CELF2: variants seen among roughly 807,000 people sequenced by gnomAD.
The protein encoded by CELF2 is CUGBP Elav-like family member 2.
In CELF2, 8 loss-of-function variants were observed where a neutral mutation model predicts 62.6. The observed-to-expected ratio is 0.13, with a 90% CI of 0.07 to 0.23. The LOEUF is 0.23. Among genes scored for constraint, CELF2 ranks in the 10% least tolerant of loss-of-function variants. The pLI, the probability that CELF2 is intolerant of heterozygous loss-of-function variation, is 1.00. For missense variants in CELF2, 333 were observed against 671.0 expected (o/e 0.50, Z 5.56); for synonymous variants, 258 against 250.0 (o/e 1.03, Z -0.30).
intron 1 of CELF2, among the ~76,000 whole-genome samples, chr10:11,129,921 A>G (rs938766758): frequency 2.0e-5 from 3 of 151,884 alleles, no homozygotes; most frequent in Non-Finnish European, 4.4e-5. Context: ...CCAGCTTTTA[A>G]ATTTGTTTGC....
At chr10:10,551,949 GC>G in the CELF2 span, among the ~76,000 whole-genome samples, 2 of 147,070 alleles carry the variant, frequency 1.4e-5, no homozygotes, top group Non-Finnish European at 3.0e-5. Context: ...TTTTCAGGGT[GC>G]TTTTTTTTCT....
the CELF2 span, among the ~76,000 whole-genome samples, chr10:10,574,303 A>T: frequency 6.6e-6 from 1 of 152,246 alleles, no homozygotes; most frequent in Non-Finnish European, 1.5e-5. Context: ...GGACCAACTG[A>T]TGACAAAGTA....
chr10:10,683,828 C>A, the CELF2 span, among the ~76,000 whole-genome samples: 1 of 152,118 alleles, frequency 6.6e-6, no homozygotes, highest in African/African-American at 2.4e-5. Context: ...TGACAAAAAG[C>A]AATTTAGATT....
chr10:11,198,866 A>G (rs1449673447), intron 2 of CELF2, among the ~76,000 whole-genome samples: 4 of 152,246 alleles, frequency 2.6e-5, no homozygotes, highest in African/African-American at 9.6e-5. Context: ...GTTTTGAGGA[A>G]AACCCAAGAC....
the CELF2 span, among the ~76,000 whole-genome samples, chr10:10,632,314 A>G: frequency 2.0e-5 from 3 of 152,288 alleles, no homozygotes; most frequent in East Asian, 1.9e-4. Flanking sequence ...CACCTCATAC[A>G]TAATCACTTG....
intron 2 of CELF2, among the ~76,000 whole-genome samples, chr10:11,212,299 T>G (rs2062045727): frequency 6.6e-6 from 1 of 152,200 alleles, no homozygotes; most frequent in East Asian, 1.9e-4. Context: ...AGGATCTTCT[T>G]GCTGCTTCAT....
chr10:11,229,742 A>G (rs924786312), intron 3 of CELF2, among the ~76,000 whole-genome samples: 9 of 152,082 alleles, frequency 5.9e-5, no homozygotes, highest in African/African-American at 9.7e-5. Context: ...GGCATGTGCC[A>G]CCACATCCAG....
rs568608240 is a variant in CELF2, at chr10:11,115,512, C to G, written c.75-49974C>G. On this transcript the variant is annotated intron_variant, in intron 1 of 12. Coordinates refer to ENST00000633077, the MANE Select transcript of CELF2 (RefSeq NM_001326342.2). ...TTATCCATATCTGCTGAAGGGCTGT[C>G]AGATATGAAGTAAATTTAGAGACCT... is the stretch of plus-strand genomic sequence containing the variant. 2.0e-5 allele frequency among the ~76,000 whole-genome samples: 3 copies of G among 152,274 alleles called. No homozygotes were observed. The South Asian group carries it at 6.2e-4, about 32-fold the overall frequency.
chr10:11,068,185 C>T (rs907384357), intron 1 of CELF2, among the ~76,000 whole-genome samples: 10 of 152,204 alleles, frequency 6.6e-5, no homozygotes, highest in Admixed American at 1.3e-4. Context: ...ACAGTCTCTA[C>T]GCTTATTTAA....
At chr10:10,704,058 T>C in the CELF2 span, among the ~76,000 whole-genome samples, 2 of 152,234 alleles carry the variant, frequency 1.3e-5, no homozygotes, top group African/African-American at 4.8e-5. Flanking sequence ...TCTATCACTC[T>C]CACTTCAGTA....
At chr10:10,717,482 A>G in the CELF2 span, among the ~76,000 whole-genome samples, 1 of 152,216 alleles carries the variant, frequency 6.6e-6, no homozygotes, top group East Asian at 1.9e-4. Flanking sequence ...TCATGAAAGA[A>G]AATTTCAGCC....
At position 11,158,866 on chromosome 10, in the gene CELF2, G is replaced by A. The variant is rs534828931; in HGVS notation, c.75-6620G>A. 2.0e-4 allele frequency among the ~76,000 whole-genome samples: 30 copies of A among 152,186 alleles called. No homozygotes were observed. In the South Asian group the frequency reaches 6.2e-3, roughly 32 times the overall value. On this transcript the variant is annotated intron_variant, in intron 1 of 12. Coordinates refer to ENST00000633077, the MANE Select transcript of CELF2 (RefSeq NM_001326342.2). Reference sequence around the variant, plus strand: ...AACACAAATGTGTTATTTCTTAGTTGTTTGTGAATAACAATGATGTCCTGT... The same window carrying A: ...AACACAAATGTGTTATTTCTTAGTTATTTGTGAATAACAATGATGTCCTGT...
chr10:11,185,720 A>G (rs980996977), intron 2 of CELF2, among the ~76,000 whole-genome samples: 7 of 152,174 alleles, frequency 4.6e-5, no homozygotes, highest in Non-Finnish European at 1.5e-5. Flanking sequence ...GGCTGGTCAT[A>G]ATGATTTTAT....
intron 1 of CELF2, among the ~76,000 whole-genome samples, chr10:11,024,455 G>GT (rs775567197): frequency 2.6e-5 from 4 of 152,062 alleles, no homozygotes; most frequent in Admixed American, 6.5e-5. Context: ...ACAAAAATTA[G>GT]TTCGCCGTGG....
the CELF2 span, among the ~76,000 whole-genome samples, chr10:10,589,622 C>T: frequency 9.9e-5 from 15 of 152,174 alleles, no homozygotes; most frequent in Non-Finnish European, 2.1e-4. Context: ...CTCACAGGGG[C>T]TTAGTGATTC....
the CELF2 span, among the ~76,000 whole-genome samples, chr10:10,689,196 C>A: frequency 6.6e-6 from 1 of 152,024 alleles, no homozygotes; most frequent in African/African-American, 2.4e-5. Flanking sequence ...TAACAGGAAG[C>A]ATTACCAGGA....
rs369808498 is a variant in CELF2, at chr10:11,306,551, A to C, written c.977-7588A>C. On this transcript the variant is annotated intron_variant, in intron 9 of 12. Coordinates refer to ENST00000633077, the MANE Select transcript of CELF2 (RefSeq NM_001326342.2). The surrounding 1 kb of genome is among the most constrained non-coding windows in gnomAD (Gnocchi z 4.4). ...AAATTGGAGTTTTTCTTATGCTTTAAATTATTTGTTAACATTCAGAAGGTT... is the reference window on the plus strand; with the variant it reads ...AAATTGGAGTTTTTCTTATGCTTTACATTATTTGTTAACATTCAGAAGGTT... Among the ~76,000 whole-genome samples, 10 of 152,264 alleles carry C rather than the reference A, an allele frequency of 6.6e-5. No homozygotes were observed. The highest frequency in any genetic ancestry group is 2.2e-4 in the African/African-American group (9 of 41,548).
intron 9 of CELF2, 37 bp downstream of exon 9, chr10:11,288,589 C>G (rs766498667): frequency 6.2e-7 from 1 of 1,609,006 alleles, no homozygotes; most frequent in South Asian, 1.1e-5. Flanking sequence ...GCAGGTGATG[C>G]AGCAGGAGTG....
chr10:11,080,859 G>A (rs547225841), intron 1 of CELF2, among the ~76,000 whole-genome samples: 4 of 152,200 alleles, frequency 2.6e-5, no homozygotes, highest in East Asian at 1.9e-4. Context: ...GTTGATCCAC[G>A]TCTGTTGTCA....
Sources: gnomAD v4.1 joint callset for allele counts (sites outside exome capture counted in the v4.1 genomes callset) on GRCh38, gnomAD v4.1.1 for gene constraint, Gnocchi (gnomAD v3.1) non-coding constraint, MANE v1.5 for transcripts, NCBI Gene and HGNC (gene_info 2026-07-23, HGNC 2026-07-21) for gene names.